TDRD1: variants seen among roughly 807,000 people sequenced by gnomAD.
TDRD1 encodes the protein tudor domain containing 1, also known as tudor domain-containing protein 1.
In TDRD1, 37 loss-of-function variants were observed where a neutral mutation model predicts 140.6. The ratio of observed to expected loss-of-function variants is 0.26; its 90% CI spans 0.20 to 0.35. The LOEUF (loss-of-function observed/expected upper bound fraction) is 0.35, where lower values mean the gene tolerates loss of function less well. Among genes scored for constraint, TDRD1 ranks in the 10% least tolerant of loss-of-function variants. TDRD1 has a pLI of 1.00. For synonymous variants in TDRD1, 506 were observed against 475.7 expected (o/e 1.06, Z -0.83); for missense variants, 1,243 against 1,393.0 (o/e 0.89, Z 1.71).
intron 11 of TDRD1, among the ~76,000 whole-genome samples, chr10:114,208,523 C>T (rs999243185): frequency 6.6e-6 from 1 of 152,178 alleles, no homozygotes; most frequent in East Asian, 1.9e-4. Context: ...ACCGAGCTAG[C>T]GACATCACCA....
At chr10:114,184,915 G>GT (rs1353372527) in intron 1 of TDRD1, among the ~76,000 whole-genome samples, 5 of 152,034 alleles carry the variant, frequency 3.3e-5, no homozygotes, top group Admixed American at 6.5e-5. Context: ...TATGATACTA[G>GT]TTTTTTTGTA....
Position 114,214,053 on chromosome 10 carries a change from T to A in TDRD1, c.2151T>A (p.Asp717Glu). 2 of 1,611,512 alleles carry A rather than the reference T, an allele frequency of 1.2e-6. No homozygotes were observed. Among genetic ancestry groups the A allele is most frequent in the Non-Finnish European group, 1.7e-6 (2 of 1,177,620 alleles). The change falls in exon 16 of 26, where the codon GAT becomes GAA. Residue 717 changes from aspartate to glutamate, a missense_variant. Asp to Glu is a conservative substitution (Grantham distance 45). Coordinates refer to ENST00000251864, the Ensembl canonical transcript of TDRD1. ...AACTTGGTGTTGACCAAACAGTAGA[T>A]GTTGTGGTCTGTGTGATATATAGTC...
At chr10:114,203,154 T>C (rs1463734929) in exon 7 of TDRD1, 2 of 1,612,798 alleles carry the variant, frequency 1.2e-6, no homozygotes, top group East Asian at 4.5e-5. Context: ...AGTCTACAAC[T>C]CAAGAAAACC....
intron 3 of TDRD1, among the ~76,000 whole-genome samples, chr10:114,196,830 A>C (rs1287653959): frequency 2.6e-5 from 2 of 77,410 alleles, no homozygotes; most frequent in Non-Finnish European, 4.9e-5. Context: ...AGTTTCTAGC[A>C]GTCTTTTTTT....
chr10:114,222,605 G>T, exon 21 of TDRD1: 1 of 1,608,394 alleles, frequency 6.2e-7, no homozygotes, highest in Non-Finnish European at 8.5e-7. Flanking sequence ...GAAAAGCTGT[G>T]CATGTTGACA....
intron 25 of TDRD1, chr10:114,228,358 A>C: frequency 7.9e-7 from 1 of 1,271,930 alleles, no homozygotes; most frequent in Non-Finnish European, 9.9e-7. Context: ...TCCAGTTGTA[A>C]TAGCCTTTCC....
chr10:114,231,651 C>G (rs2036764531), exon 26 of TDRD1: 6 of 619,568 alleles, frequency 9.7e-6, no homozygotes, highest in Non-Finnish European at 1.6e-5. Context: ...CTGCCATTCT[C>G]CTATTAGGTT....
chr10:114,185,261 C>T (rs2033423954), intron 1 of TDRD1, among the ~76,000 whole-genome samples: 1 of 152,220 alleles, frequency 6.6e-6, no homozygotes, highest in Admixed American at 6.5e-5. Flanking sequence ...ATCATCTCTG[C>T]TCACTGCGAC....
At position 114,226,279 on chromosome 10, in the gene TDRD1, T is replaced by A. The variant is rs2036432325; in HGVS notation, c.3175+63T>A. 5 of 1,202,434 alleles carry A rather than the reference T, an allele frequency of 4.2e-6. No homozygotes were observed. The Middle Eastern group carries it at 7.8e-4, about 188-fold the overall frequency. 74.5% of individuals were successfully genotyped at this position (1,202,434 alleles called of 1,614,324 possible). A position where few individuals can be genotyped will look rare whatever the true frequency, so the allele number is the denominator to read the frequency against. On this transcript the variant is annotated intron_variant, in intron 22 of 25. Coordinates refer to ENST00000251864, the Ensembl canonical transcript of TDRD1. Reference sequence around the variant, plus strand: ...GTATTTTTTTTTTCCTCTTTATGTTTCATAGCTCTAAGTCGGAATCAAATG... The same window carrying A: ...GTATTTTTTTTTTCCTCTTTATGTTACATAGCTCTAAGTCGGAATCAAATG...
chr10:114,195,207 C>G (rs900214437), intron 3 of TDRD1, among the ~76,000 whole-genome samples: 4 of 152,230 alleles, frequency 2.6e-5, no homozygotes, highest in South Asian at 2.1e-4. Flanking sequence ...CAGAGAACAC[C>G]TTCTGAATCA....
intron 11 of TDRD1, among the ~76,000 whole-genome samples, chr10:114,209,494 T>A (rs1016531602): frequency 6.6e-6 from 1 of 152,244 alleles, no homozygotes; most frequent in Non-Finnish European, 1.5e-5. Context: ...GCCTTCTCCC[T>A]TATGTTGTGA....
exon 12 of TDRD1, chr10:114,210,583 G>C (rs918385734): frequency 1.3e-6 from 2 of 1,584,546 alleles, no homozygotes; most frequent in African/African-American, 2.7e-5. Context: ...CTGATAAGGT[G>C]ATCCTGAAGA....
At chr10:114,228,639 T>C (rs2036579809) in intron 25 of TDRD1, 1 of 985,338 alleles carries the variant, frequency 1.0e-6, no homozygotes, top group South Asian at 4.7e-5. Context: ...TACTCCCTGC[T>C]TTTGGCTGTG....
intron 1 of TDRD1, 62 bp downstream of exon 1, chr10:114,179,478 T>G (rs1200393825): frequency 6.6e-6 from 1 of 151,858 alleles, no homozygotes; most frequent in African/African-American, 2.4e-5. Flanking sequence ...GGGAGGGGGC[T>G]TCGGTCGTTG....
intron 25 of TDRD1, among the ~76,000 whole-genome samples, chr10:114,229,817 ATT>A (rs200409289): frequency 9.5e-5 from 12 of 126,172 alleles, no homozygotes; most frequent in African/African-American, 3.0e-4. Context: ...ATATATATAT[ATT>A]TTTTTTTTAT....
At chr10:114,217,402 G>A (rs1005990358) in intron 16 of TDRD1, 143 bp from the exon 17 acceptor site, 6 of 478,282 alleles carry the variant, frequency 1.3e-5, no homozygotes, top group African/African-American at 1.2e-4. Flanking sequence ...TTTTAATAAG[G>A]AAAAGCATTG....
At chr10:114,209,784 T>C (rs2035366364) in intron 11 of TDRD1, among the ~76,000 whole-genome samples, 1 of 152,208 alleles carries the variant, frequency 6.6e-6, no homozygotes, top group Admixed American at 6.5e-5. Context: ...AATAAGTCTA[T>C]AATCTAGATA....
At chr10:114,175,929 T>C (rs1315208180), upstream of TDRD1, among the ~76,000 whole-genome samples, 4 of 152,160 alleles carry the variant, frequency 2.6e-5, no homozygotes, top group Non-Finnish European at 5.9e-5. Flanking sequence ...CATCCTACCT[T>C]TCCTGTTGCA....
intron 21 of TDRD1, among the ~76,000 whole-genome samples, chr10:114,224,145 C>T (rs1589715441): frequency 6.6e-6 from 1 of 152,132 alleles, no homozygotes; most frequent in South Asian, 2.1e-4. Flanking sequence ...CTGTTATCTC[C>T]CATGTTTGAA....
Sources: gnomAD v4.1 joint callset for allele counts (sites outside exome capture counted in the v4.1 genomes callset) on GRCh38, gnomAD v4.1.1 for gene constraint, MANE v1.5 for transcripts, NCBI Gene and HGNC (gene_info 2026-07-23, HGNC 2026-07-21) for gene names.